EIF4E: variants seen among roughly 807,000 people sequenced by gnomAD.
The protein encoded by EIF4E is eIF-4F 25 kDa subunit.
For synonymous variants in EIF4E, 71 were observed against 88.5 expected, an observed-to-expected ratio of 0.80 and a Z score of 1.11; for missense variants, 113 against 265.6, an observed-to-expected ratio of 0.43 and a Z score of 3.99.
chr4:98,914,827 A>G (rs1198445252), intron 1 of EIF4E, among the ~76,000 whole-genome samples: 1 of 152,206 alleles, frequency 6.6e-6, no homozygotes, highest in African/African-American at 2.4e-5. Flanking sequence ...CAAATGTGCC[A>G]TTCTGTTGTA....
At chr4:98,915,094 C>T (rs1034404509) in intron 1 of EIF4E, among the ~76,000 whole-genome samples, 17 of 152,094 alleles carry the variant, frequency 1.1e-4, no homozygotes, top group African/African-American at 4.1e-4. Context: ...CAGGCACATG[C>T]CACCACACCC....
chr4:98,919,033 G>T (rs1432520480), intron 1 of EIF4E, among the ~76,000 whole-genome samples: 1 of 152,132 alleles, frequency 6.6e-6, no homozygotes, highest in South Asian at 2.1e-4. Flanking sequence ...AAAAGCCTGG[G>T]TGTGGTGGCT....
intron 1 of EIF4E, among the ~76,000 whole-genome samples, chr4:98,917,982 A>T: frequency 6.6e-6 from 1 of 152,158 alleles, no homozygotes; most frequent in East Asian, 1.9e-4. Context: ...AGGTTGAGGC[A>T]GGATGATCGC....
chr4:98,885,148 T>C (rs989973721), intron 5 of EIF4E, 87 bp from the exon 6 acceptor site: 135 of 1,461,360 alleles, frequency 9.2e-5, no homozygotes, highest in Non-Finnish European at 1.1e-4. Flanking sequence ...GCATAGAAAC[T>C]AAAGGCAGTT....
At chr4:98,916,052 A>G (rs1725365867) in intron 1 of EIF4E, among the ~76,000 whole-genome samples, 1 of 151,460 alleles carries the variant, frequency 6.6e-6, no homozygotes, top group Admixed American at 6.6e-5. Context: ...TTAGCTGGGC[A>G]TGGTGGTGGG....
chr4:98,881,448 G>A (rs749910948), intron 6 of EIF4E, among the ~76,000 whole-genome samples: 5 of 152,082 alleles, frequency 3.3e-5, no homozygotes, highest in Non-Finnish European at 7.4e-5. Flanking sequence ...TAAATCAACA[G>A]TGAACAAAGT....
intron 1 of EIF4E, among the ~76,000 whole-genome samples, chr4:98,928,468 T>C (rs573782426): frequency 1.1e-3 from 160 of 152,124 alleles, no homozygotes; most frequent in Non-Finnish European, 2.0e-3. Context: ...GCGCGCTGGA[T>C]TAACAGACGC....
chr4:98,900,124 A>T (rs1030532358), intron 2 of EIF4E, among the ~76,000 whole-genome samples: 9 of 152,014 alleles, frequency 5.9e-5, no homozygotes, highest in Non-Finnish European at 1.2e-4. Context: ...GTTCACAGAC[A>T]GCTAGAAGAT....
At chr4:98,929,008 C>T in intron 1 of EIF4E, 87 bp downstream of exon 1, 2 of 1,565,806 alleles carry the variant, frequency 1.3e-6, no homozygotes, top group Non-Finnish European at 8.7e-7. Context: ...CAGTGCGCGC[C>T]GGGAACGCCG....
intron 6 of EIF4E, among the ~76,000 whole-genome samples, chr4:98,883,782 C>G (rs1723801177): frequency 6.6e-6 from 1 of 151,964 alleles, no homozygotes; most frequent in Admixed American, 6.6e-5. Flanking sequence ...TGGCTCACGC[C>G]TGTAATCTCA....
intron 1 of EIF4E, among the ~76,000 whole-genome samples, chr4:98,915,115 T>C (rs1414569773): frequency 1.3e-5 from 2 of 152,094 alleles, no homozygotes; most frequent in African/African-American, 4.8e-5. Flanking sequence ...AGCTAGTTTT[T>C]TGTATTAATA....
intron 5 of EIF4E, 120 bp downstream of exon 5, chr4:98,886,959 G>A: frequency 9.7e-7 from 1 of 1,031,546 alleles, no homozygotes; most frequent in South Asian, 1.3e-5. Flanking sequence ...TACTGACCCT[G>A]ATTTTCTAGT....
At chr4:98,883,393 A>ATTTTT (rs11408890) in intron 6 of EIF4E, among the ~76,000 whole-genome samples, 1,071 of 103,668 alleles carry the variant, frequency 0.01, no homozygotes, top group Non-Finnish European at 0.012. Context: ...TGTAAGTCAA[A>ATTTTT]TTTTTTTTTT....
At chr4:98,894,200 T>A (rs1316496343) in intron 2 of EIF4E, among the ~76,000 whole-genome samples, 1 of 152,248 alleles carries the variant, frequency 6.6e-6, no homozygotes, top group South Asian at 2.1e-4. Flanking sequence ...TTTAGCATCA[T>A]TCTTCAGGAT....
intron 2 of EIF4E, chr4:98,895,434 C>G (rs894693775): frequency 6.6e-6 from 1 of 152,154 alleles, no homozygotes; most frequent in African/African-American, 2.4e-5. Context: ...ACTGAATATT[C>G]TCTGAATTAC....
At position 98,887,855 on chromosome 4, in the gene EIF4E, A is replaced by T. The variant is rs748576618; in HGVS notation, c.285+34T>A. 1 of 1,587,878 alleles carries T rather than the reference A, an allele frequency of 6.3e-7. No homozygotes were observed. The highest frequency in any genetic ancestry group is 1.1e-5 in the South Asian group (1 of 89,794). ...AATGAATACCAAATGGCCCAGTCCT[A>T]TAATAAATATATAAAATCACCAATT... On this transcript the variant is annotated intron_variant, in intron 4 of 6. Coordinates refer to ENST00000450253, the MANE Select transcript of EIF4E (RefSeq NM_001968.5). This position sits in a 1 kb window ranked among gnomAD's most constrained non-coding sequence, Gnocchi z 4.0.
intron 1 of EIF4E, among the ~76,000 whole-genome samples, chr4:98,918,604 T>C (rs1725506945): frequency 6.6e-6 from 1 of 152,126 alleles, no homozygotes; most frequent in South Asian, 2.1e-4. Flanking sequence ...TATGGAATGA[T>C]ACAGGGAAAA....
chr4:98,927,393 C>T (rs1579192288), intron 1 of EIF4E, among the ~76,000 whole-genome samples: 1 of 152,044 alleles, frequency 6.6e-6, no homozygotes, highest in African/African-American at 2.4e-5. Context: ...CTGTGGCTCA[C>T]GCCTGTAATC....
intron 1 of EIF4E, among the ~76,000 whole-genome samples, chr4:98,904,100 C>A (rs186761040): frequency 6.6e-6 from 1 of 151,198 alleles, no homozygotes; most frequent in Non-Finnish European, 1.5e-5. Flanking sequence ...ACTTTCAGAG[C>A]GTAACTCTGG....
Sources: gnomAD v4.1 joint callset for allele counts (sites outside exome capture counted in the v4.1 genomes callset) on GRCh38, gnomAD v4.1.1 for gene constraint, Gnocchi (gnomAD v3.1) non-coding constraint, MANE v1.5 for transcripts, NCBI Gene and HGNC (gene_info 2026-07-23, HGNC 2026-07-21) for gene names.